Variants in RIC1 observed in about 807,000 individuals in gnomAD.
The protein encoded by RIC1 is RIC1 partner of RAB6A GEF complex, also known as guanine nucleotide exchange factor subunit RIC1.
RIC1 carries 88 observed loss-of-function variants against 169.0 expected under a neutral mutation model. The observed-to-expected ratio is 0.52, with a 90% CI of 0.44 to 0.62. The LOEUF (loss-of-function observed/expected upper bound fraction) is 0.62. Ranked by LOEUF, RIC1 falls within the 20% of genes least tolerant of loss-of-function variation. RIC1 has a pLI of 0.00. For synonymous variants in RIC1, 790 were observed against 601.5 expected, an observed-to-expected ratio of 1.31 and a Z score of -4.59; for missense variants, 1,877 against 1,725.5, an observed-to-expected ratio of 1.09 and a Z score of -1.56.
intron 3 of RIC1, chr9:5,712,813 G>A (rs1421357970): frequency 6.6e-6 from 1 of 152,166 alleles, no homozygotes; most frequent in African/African-American, 2.4e-5. Flanking sequence ...ACATCAGTCA[G>A]ACATGTTAGT....
chr9:5,743,108 C>A, intron 9 of RIC1, 95 bp downstream of exon 9: 1 of 1,156,410 alleles, frequency 8.6e-7, no homozygotes, highest in Non-Finnish European at 1.2e-6. Flanking sequence ...CCCTTTTTGC[C>A]TTGACTCTTA....
intron 1 of RIC1, among the ~76,000 whole-genome samples, chr9:5,654,975 T>A (rs1031281365): frequency 6.6e-6 from 1 of 152,230 alleles, no homozygotes; most frequent in Non-Finnish European, 1.5e-5. Context: ...CTAGGAGGAT[T>A]TTTGGGTCAA....
intron 4 of RIC1, among the ~76,000 whole-genome samples, chr9:5,717,219 T>C (rs1197493772): frequency 2.0e-5 from 3 of 152,216 alleles, no homozygotes; most frequent in Non-Finnish European, 4.4e-5. Context: ...TATCATGTTA[T>C]AGAGATTATG....
intron 2 of RIC1, among the ~76,000 whole-genome samples, chr9:5,673,481 A>G (rs1477981204): frequency 6.1e-5 from 9 of 147,902 alleles, no homozygotes; most frequent in Non-Finnish European, 1.0e-4. Flanking sequence ...TGACTTGGCA[A>G]TCCTACTTAA....
At chr9:5,768,339 A>C (rs1296748492) in intron 21 of RIC1, among the ~76,000 whole-genome samples, 4 of 152,134 alleles carry the variant, frequency 2.6e-5, no homozygotes, top group African/African-American at 9.7e-5. Context: ...GAGTCTGGGC[A>C]ACACAGCAAG....
At chr9:5,745,761 A>T (rs1379674354) in intron 10 of RIC1, among the ~76,000 whole-genome samples, 170 bp from the exon 11 acceptor site, 3 of 152,194 alleles carry the variant, frequency 2.0e-5, no homozygotes, top group African/African-American at 7.2e-5. Flanking sequence ...GTTAGTTAAG[A>T]GGTAACTGAA....
At chr9:5,752,234 A>T (rs910470014) in intron 12 of RIC1, among the ~76,000 whole-genome samples, 6 of 152,182 alleles carry the variant, frequency 3.9e-5, no homozygotes, top group Admixed American at 3.3e-4. Flanking sequence ...TCTTGCAGAT[A>T]GAGTTAATAT....
chr9:5,670,988 G>A (rs1314298415), intron 2 of RIC1, among the ~76,000 whole-genome samples: 6 of 152,076 alleles, frequency 3.9e-5, no homozygotes, highest in South Asian at 4.2e-4. Flanking sequence ...GGAGCCCTCC[G>A]CCGTCAGAAA....
intron 2 of RIC1, among the ~76,000 whole-genome samples, chr9:5,677,028 G>C (rs1480826727): frequency 6.6e-6 from 1 of 152,112 alleles, no homozygotes; most frequent in Non-Finnish European, 1.5e-5. Context: ...TTCCTTTTCT[G>C]TTGGGTAAAT....
Position 5,774,245 on chromosome 9 carries a change from A to G in RIC1, c.4271A>G (p.Ter1424=), listed in dbSNP as rs769197957. ...GGGACTTACGACTGTTCTGTGTCCT[A>G]ACAGTGAGGTTCCATCACAAAGGGG... ...QDGTYDCSVS[*] The change falls in exon 26 of 26, where the codon TAA becomes TGA. Residue 1424 remains the stop codon, a stop_retained_variant. Coordinates refer to ENST00000414202, the MANE Select transcript of RIC1 (RefSeq NM_020829.4). The G allele has an allele frequency of 5.6e-6, 9 of 1,599,936 alleles. No individual in the cohort carries two copies. Among genetic ancestry groups the G allele is most frequent in the South Asian group, 1.1e-5 (1 of 88,906 alleles).
At chr9:5,690,098 A>C (rs1012337625) in intron 3 of RIC1, 60 bp downstream of exon 3, 1 of 1,189,522 alleles carries the variant, frequency 8.4e-7, no homozygotes, top group East Asian at 2.5e-5. Context: ...ATTCAGAAAA[A>C]CATTACAGTT....
chr9:5,702,513 GTTTTGT>G (rs58007858), intron 3 of RIC1, among the ~76,000 whole-genome samples: 5,099 of 150,824 alleles, frequency 0.034, 124 homozygotes, highest in African/African-American at 0.064. Context: ...TTTTTGTTTT[GTTTTGT>G]TTTTGTTTTT....
chr9:5,734,318 C>G (rs1026744999), intron 7 of RIC1, among the ~76,000 whole-genome samples: 2 of 151,586 alleles, frequency 1.3e-5, no homozygotes, highest in African/African-American at 4.8e-5. Context: ...GTTGGTCAGT[C>G]TGGTCTCAAA....
At chr9:5,635,229 C>T (rs569709192) in intron 1 of RIC1, among the ~76,000 whole-genome samples, 5 of 152,188 alleles carry the variant, frequency 3.3e-5, no homozygotes, top group Admixed American at 6.5e-5. Context: ...ATCTGCCCAT[C>T]TCAGCCTCCT....
At chr9:5,682,962 C>G (rs890532396) in intron 2 of RIC1, among the ~76,000 whole-genome samples, 1 of 152,242 alleles carries the variant, frequency 6.6e-6, no homozygotes, top group Admixed American at 6.5e-5. Flanking sequence ...GCATCGGCTA[C>G]TGAGGCTTGC....
chr9:5,777,590 G>A (rs567656628), downstream of RIC1, among the ~76,000 whole-genome samples: 11 of 152,158 alleles, frequency 7.2e-5, no homozygotes, highest in Admixed American at 2.0e-4. Context: ...CCAGGGTTAT[G>A]AATATTTACG....
chr9:5,672,340 G>C (rs543076933), intron 2 of RIC1, among the ~76,000 whole-genome samples: 6 of 152,282 alleles, frequency 3.9e-5, no homozygotes, highest in East Asian at 1.9e-4. Context: ...ACAGGGATGA[G>C]ACAGAAGAAT....
intron 12 of RIC1, 130 bp from the exon 13 acceptor site, chr9:5,753,070 T>A (rs1180805189): frequency 2.8e-6 from 2 of 717,954 alleles, no homozygotes; most frequent in African/African-American, 3.5e-5. Flanking sequence ...AAATTCCAAG[T>A]GCTCTGCTAC....
At chr9:5,769,284 A>G (rs781289333) in intron 22 of RIC1, 28 bp downstream of exon 22, 16 of 1,613,864 alleles carry the variant, frequency 9.9e-6, no homozygotes, top group South Asian at 7.7e-5. Flanking sequence ...TCACTTGTAC[A>G]AGGAGAATTG....
Sources: allele counts gnomAD v4.1 joint callset (sites outside exome capture counted in the v4.1 genomes callset), GRCh38; gene constraint gnomAD v4.1.1; transcripts MANE v1.5; gene names NCBI Gene and HGNC (gene_info 2026-07-23, HGNC 2026-07-21).